KANK1: variants seen among roughly 807,000 people sequenced by gnomAD.
KANK1 encodes KN motif and ankyrin repeat domain-containing protein 1.
A neutral mutation model predicts 106.2 loss-of-function variants in KANK1; 109 were observed. That is an observed-to-expected ratio of 1.03 (90% CI 0.88 to 1.20). The LOEUF is 1.20. Ranked by LOEUF, KANK1 falls within the 50% of genes most tolerant of loss-of-function variation. The pLI is 0.00. For missense variants in KANK1, 2,399 were observed against 1,710.7 expected (o/e 1.40, Z -7.10); for synonymous variants, 873 against 652.2 (o/e 1.34, Z -5.16).
chr9:542,937 A>G (rs1742304746), intron 1 of KANK1, among the ~76,000 whole-genome samples: 1 of 152,138 alleles, frequency 6.6e-6, no homozygotes, highest in African/African-American at 2.4e-5. Flanking sequence ...AAAAAGTTTC[A>G]GTTAAGTTAA....
chr9:608,035 T>TTTTA (rs1554646403), intron 1 of KANK1, among the ~76,000 whole-genome samples: 14 of 23,908 alleles, frequency 5.9e-4, no homozygotes, highest in South Asian at 4.8e-3. Flanking sequence ...ATTATTATTA[T>TTTTA]TTTTTTTTTT....
In KANK1 at chr9:734,811, C is replaced by T. The variant is rs772207562; in HGVS notation, c.3309C>T (p.Pro1103=). 2 of 1,613,492 alleles carry T rather than the reference C, an allele frequency of 1.2e-6. No individual in the cohort carries two copies. The highest frequency in any genetic ancestry group is 1.7e-6 in the Non-Finnish European group (2 of 1,179,444). The change falls in exon 7 of 12, where the codon CCC becomes CCT. Residue 1103 remains proline, a synonymous_variant. Coordinates refer to ENST00000382297, the MANE Select transcript of KANK1 (RefSeq NM_015158.5). The part of the protein sequence containing the change: ...CNLLKNTIND[P]KALTSKDMRF... ...TACTGAAAAATACTATAAATGACCC[C>T]AAAGCTTTGACCAGCAAAGATATGG...
intron 7 of KANK1, among the ~76,000 whole-genome samples, chr9:737,409 C>G (rs72693463): frequency 0.033 from 5,013 of 152,236 alleles, 113 homozygotes; most frequent in Middle Eastern, 0.088. Flanking sequence ...TATTTTTAAA[C>G]TTTTAAAGAG....
intron 8 of KANK1, among the ~76,000 whole-genome samples, chr9:739,153 C>T (rs930449077): frequency 8.5e-5 from 13 of 152,160 alleles, no homozygotes; most frequent in Admixed American, 1.3e-4. Flanking sequence ...GAGGGAGGGG[C>T]ACATACACAG....
intron 1 of KANK1, among the ~76,000 whole-genome samples, chr9:639,764 G>T (rs757642672): frequency 3.3e-5 from 5 of 152,154 alleles, no homozygotes; most frequent in Non-Finnish European, 5.9e-5. Context: ...TAAATTTATT[G>T]CTCACAGTTC....
chr9:651,205 G>C (rs1050488850), intron 1 of KANK1, among the ~76,000 whole-genome samples: 31 of 152,232 alleles, frequency 2.0e-4, no homozygotes, highest in African/African-American at 6.7e-4. Context: ...CTTAGGAATG[G>C]GGTTTTATTT....
intron 1 of KANK1, among the ~76,000 whole-genome samples, chr9:593,519 G>C (rs1825506744): frequency 6.8e-6 from 1 of 147,290 alleles, no homozygotes. Context: ...CACCTCAGTG[G>C]GATTTAAAAA....
In KANK1 at chr9:729,966, T is replaced by C. The variant is rs560804678; in HGVS notation, c.2699-85T>C. The C allele has an allele frequency of 1.5e-3, 1,662 of 1,144,894 alleles. 14 individuals are homozygous for C. The African/African-American group carries it at 0.027, about 19-fold the overall frequency. The allele number at this position is 1,144,894 out of a possible 1,614,324, so 70.9% of individuals were successfully genotyped here. A position where few individuals can be genotyped will look rare whatever the true frequency, so the allele number is the denominator to read the frequency against. ...GCTGGGATAATAGTCCCATTTTAAA[T>C]TATGAGTGGCAAGAATTGTTTTTGT... On this transcript the variant is annotated intron_variant, in intron 3 of 11. Coordinates refer to ENST00000382297, the MANE Select transcript of KANK1 (RefSeq NM_015158.5).
intron 1 of KANK1, among the ~76,000 whole-genome samples, chr9:646,864 T>C (rs1219879780): frequency 6.7e-6 from 1 of 150,152 alleles, no homozygotes; most frequent in Non-Finnish European, 1.5e-5. Context: ...TGGCTAATTT[T>C]TTTTTGTATT....
intron 1 of KANK1, among the ~76,000 whole-genome samples, chr9:556,267 A>G (rs2061576763): frequency 1.3e-5 from 2 of 152,214 alleles, no homozygotes; most frequent in South Asian, 2.1e-4. Context: ...ATTAACGAGC[A>G]TGCATTGCTT....
In KANK1 at chr9:692,922, A is replaced by T. The variant is rs535612687; in HGVS notation, c.37+15913A>T. Among the ~76,000 whole-genome samples the T allele has an allele frequency of 1.2e-3, 181 of 152,238 alleles. 3 individuals are homozygous for T. Among genetic ancestry groups the T allele is most frequent in the African/African-American group, 4.2e-3 (174 of 41,534 alleles). ...GAGGCTGAGGTGGGAGGATCACATG[A>T]GCCCAGGAGGTTGAGGCTACAGTGA... On this transcript the variant is annotated intron_variant, in intron 2 of 11. Coordinates refer to ENST00000382297, the MANE Select transcript of KANK1 (RefSeq NM_015158.5).
intron 3 of KANK1, among the ~76,000 whole-genome samples, chr9:491,673 A>C (rs1042621753): frequency 1.3e-5 from 2 of 152,164 alleles, no homozygotes; most frequent in African/African-American, 4.8e-5. Flanking sequence ...GAGAAAAGGG[A>C]AACGTCAAAC....
intron 2 of KANK1, among the ~76,000 whole-genome samples, chr9:686,091 A>G (rs1317512558): frequency 1.3e-5 from 2 of 152,224 alleles, no homozygotes; most frequent in Non-Finnish European, 2.9e-5. Context: ...TTATATGCCC[A>G]GTGCTTAATA....
At chr9:727,921 T>C (rs1162804480) in intron 3 of KANK1, among the ~76,000 whole-genome samples, 1 of 152,060 alleles carries the variant, frequency 6.6e-6, no homozygotes, top group Non-Finnish European at 1.5e-5. Context: ...GGGGATTCCA[T>C]AGTAAACCTG....
At position 712,053 on chromosome 9, in the gene KANK1, A is replaced by T; in HGVS notation, c.1287A>T (p.Thr429=). The T allele has an allele frequency of 6.2e-7, 1 of 1,614,182 alleles. No individual in the cohort carries two copies. Among genetic ancestry groups the T allele is most frequent in the Non-Finnish European group, 8.5e-7 (1 of 1,180,036 alleles). ...CCTGTAAGGATGCAGCTGTAGGGAC[A>T]CTTGTTGAGATGAGAAATTGTGGGG... ...SRSCKDAAVG[T]LVEMRNCGVS... The change falls in exon 3 of 12, where the codon ACA becomes ACT. Residue 429 remains threonine, a synonymous_variant. Coordinates refer to ENST00000382297, the MANE Select transcript of KANK1 (RefSeq NM_015158.5).
Position 740,849 on chromosome 9 carries a change from C to T in KANK1, c.3611C>T (p.Ala1204Val), listed in dbSNP as rs745607622. 2.5e-6 allele frequency: 4 copies of T among 1,613,996 alleles called. No individual in the cohort carries two copies. The highest frequency in any genetic ancestry group is 2.2e-5 in the South Asian group (2 of 91,074). Reference sequence around the variant, plus strand: ...GGCTACACCCCCATCATGTTGGCGGCCCTCGCCGCTGTGGAAGCAGAGAAG... The same window carrying T: ...GGCTACACCCCCATCATGTTGGCGGTCCTCGCCGCTGTGGAAGCAGAGAAG... ...KAGYTPIMLA[A>V]LAAVEAEKDM... is the part of the protein sequence containing the mutation. The change falls in exon 9 of 12, where the codon GCC (alanine) becomes GTC (valine). Residue 1204 changes from alanine to valine, a missense_variant. Coordinates refer to ENST00000382297, the MANE Select transcript of KANK1 (RefSeq NM_015158.5).
intron 2 of KANK1, among the ~76,000 whole-genome samples, chr9:697,550 G>C (rs550670257): frequency 1.3e-5 from 2 of 152,236 alleles, no homozygotes; most frequent in African/African-American, 4.8e-5. Context: ...GTCTTTAGTA[G>C]GAAATCTCTA....
At chr9:701,549 C>T (rs1822670626) in intron 2 of KANK1, among the ~76,000 whole-genome samples, 1 of 152,178 alleles carries the variant, frequency 6.6e-6, no homozygotes, top group Non-Finnish European at 1.5e-5. Flanking sequence ...GAGGGCCTGT[C>T]TTGTGCATGG....
intron 1 of KANK1, among the ~76,000 whole-genome samples, chr9:506,048 C>A (rs764180708): frequency 2.6e-5 from 4 of 152,130 alleles, no homozygotes; most frequent in Non-Finnish European, 2.9e-5. Flanking sequence ...ATTTACTCTT[C>A]TAAGGTCAAA....
Sources: gnomAD v4.1 joint callset for allele counts (sites outside exome capture counted in the v4.1 genomes callset) on GRCh38, gnomAD v4.1.1 for gene constraint, MANE v1.5 for transcripts, NCBI Gene and HGNC (gene_info 2026-07-23, HGNC 2026-07-21) for gene names.